Variants in HOOK2 observed in about 807,000 individuals in gnomAD.
HOOK2 encodes hook microtubule tethering protein 2, also known as protein Hook homolog 2.
A neutral mutation model predicts 111.9 loss-of-function variants in HOOK2; 108 were observed. The ratio of observed to expected loss-of-function variants is 0.96; its 90% CI spans 0.83 to 1.13. The LOEUF is 1.13. Ranked by LOEUF, HOOK2 falls within the 50% of genes most tolerant of loss-of-function variation. The pLI, the probability that HOOK2 is intolerant of heterozygous loss-of-function variation, is 0.00. For synonymous variants in HOOK2, 405 were observed against 394.3 expected, an observed-to-expected ratio of 1.03 and a Z score of -0.32; for missense variants, 978 against 951.3, an observed-to-expected ratio of 1.03 and a Z score of -0.37.
chr19:12,765,626 A>G, intron 18 of HOOK2, 64 bp downstream of exon 18: 3 of 1,590,980 alleles, frequency 1.9e-6, no homozygotes, highest in South Asian at 1.1e-5. Context: ...GCACATGCCT[A>G]AGAAACTCCC....
intron 13 of HOOK2, 76 bp from the exon 14 acceptor site, chr19:12,767,540 C>G: frequency 7.9e-7 from 1 of 1,260,874 alleles, no homozygotes; most frequent in Non-Finnish European, 1.2e-6. Flanking sequence ...TCCCAAGGAT[C>G]ATCTTTTGGG....
chr19:12,771,382 C>T lies in HOOK2; in HGVS notation c.600+15G>A, dbSNP rs1230542501. The T allele has an allele frequency of 1.2e-6, 2 of 1,612,036 alleles. No homozygotes were observed. Among genetic ancestry groups the T allele is most frequent in the Non-Finnish European group, 1.7e-6 (2 of 1,179,240 alleles). On this transcript the variant is annotated intron_variant, in intron 8 of 22. Coordinates refer to ENST00000397668, the MANE Select transcript of HOOK2 (RefSeq NM_013312.3). ...AGGGGCTACTCAAGTGACCCTGCCC[C>T]ACCTAGGGCCCTACCTGCCGCTCCA...
intron 18 of HOOK2, 139 bp downstream of exon 18, chr19:12,765,551 C>A (rs1367101285): frequency 4.2e-6 from 5 of 1,198,526 alleles, no homozygotes; most frequent in Non-Finnish European, 6.1e-6. Flanking sequence ...AGTCCGAGAC[C>A]AGCCTGGCCA....
chr19:12,765,615 G>C, intron 18 of HOOK2, 75 bp downstream of exon 18: 1 of 1,538,084 alleles, frequency 6.5e-7, no homozygotes, highest in Non-Finnish European at 9.0e-7. Flanking sequence ...CAGGCATGGT[G>C]GCACATGCCT....
chr19:12,785,420 T>A (rs1968646543), intron 3 of HOOK2, among the ~76,000 whole-genome samples: 5 of 150,192 alleles, frequency 3.3e-5, no homozygotes, highest in Middle Eastern at 7.1e-3. Flanking sequence ...CACAGACCTC[T>A]TTTACACACA....
chr19:12,771,033 G>T lies in HOOK2; in HGVS notation c.801C>A (p.Ala267=). Residue 267 remains alanine, a synonymous_variant, in exon 10 of 23, where the codon GCC becomes GCA. Transcript: ENST00000397668. ...GCTCCGCAACCTCCCTCTCCAGCTCGGCACAGCGCAGGCGCTCATCCTCCC... is the reference window on the plus strand; with the variant it reads ...GCTCCGCAACCTCCCTCTCCAGCTCTGCACAGCGCAGGCGCTCATCCTCCC... The part of the protein sequence containing the change: ...SGREDERLRC[A]ELEREVAELQ... 1 of 1,612,830 alleles carries T rather than the reference G, an allele frequency of 6.2e-7. No individual in the cohort carries two copies. The highest frequency in any genetic ancestry group is 8.5e-7 in the Non-Finnish European group (1 of 1,179,402).
chr19:12,792,209 G>A, intron 3 of HOOK2: 1 of 1,557,226 alleles, frequency 6.4e-7, no homozygotes, highest in Non-Finnish European at 8.7e-7. Context: ...TGGACGATCT[G>A]CACAAGATGA....
Position 12,766,233 on chromosome 19 carries a change from G to T in HOOK2, c.1381C>A (p.Leu461Ile). 1.3e-6 allele frequency: 2 copies of T among 1,579,242 alleles called. No individual in the cohort carries two copies. The highest frequency in any genetic ancestry group is 1.1e-5 in the South Asian group (1 of 88,820). The part of the protein sequence containing the change: ...EILPAELRET[L>I]LRLQLENKRL... ...TTGTTCTCCAGCTGAAGCCGCAGGA[G>T]CGTCTCCCTGCAGACCCGGGAGGAG... The change falls in exon 15 of 23, where the codon CTC becomes ATC. Residue 461 changes from leucine to isoleucine, a missense_variant. Leu to Ile is a conservative substitution (Grantham distance 5). Transcript: ENST00000397668.
In HOOK2 at chr19:12,773,698, A is replaced by G. The variant is rs145454857; in HGVS notation, c.205-654T>C. Among the ~76,000 whole-genome samples, 172 of 151,896 alleles carry G rather than the reference A, an allele frequency of 1.1e-3. 3 individuals are homozygous for G. The East Asian group carries it at 0.025, about 22-fold the overall frequency. On this transcript the variant is annotated intron_variant, in intron 3 of 22. Transcript: ENST00000397668. Reference sequence around the variant, plus strand: ...CTTCCACTTTTGCTGCCTACATTTTATTTCTCTCCATGCAGCCAGGGGGAG... The same window carrying G: ...CTTCCACTTTTGCTGCCTACATTTTGTTTCTCTCCATGCAGCCAGGGGGAG...
upstream of HOOK2, among the ~76,000 whole-genome samples, chr19:12,782,461 A>AGGGCCTCCCGCTGCGCAGAGGGCTG (rs1369583896): frequency 2.6e-5 from 4 of 152,140 alleles, no homozygotes; most frequent in East Asian, 1.9e-4. Flanking sequence ...GGCTGCGCGG[A>AGGGCCTCCCGCTGCGCAGAGGGCTG]CGCAGTGATG....
intron 10 of HOOK2, among the ~76,000 whole-genome samples, chr19:12,770,657 TG>T (rs1165949041): frequency 1.9e-5 from 2 of 107,724 alleles, no homozygotes; most frequent in Non-Finnish European, 3.5e-5. Context: ...TCTTGTGTTT[TG>T]GGGGGCCACA....
rs1364399113 is a variant in HOOK2, at chr19:12,773,000, G to C, written c.249C>G (p.Ser83=). ...TCCCTTTACAGTTACTCACATCCTGGGAGTACTCTACTAGGCTCCGTAAGA... is the reference window on the plus strand; with the variant it reads ...TCCCTTTACAGTTACTCACATCCTGCGAGTACTCTACTAGGCTCCGTAAGA... ...KMVLRSLVEY[S]QDVLAHPVSE... The change falls in exon 4 of 23, where the codon TCC becomes TCG. Residue 83 remains serine (S), a synonymous_variant. Coordinates refer to ENST00000397668, the MANE Select transcript of HOOK2 (RefSeq NM_013312.3). 3.1e-6 allele frequency: 5 copies of C among 1,613,910 alleles called. No individual in the cohort carries two copies. The highest frequency in any genetic ancestry group is 4.2e-6 in the Non-Finnish European group (5 of 1,179,948).
At position 12,765,682 on chromosome 19, in the gene HOOK2, C is replaced by A. The variant is rs746201735; in HGVS notation, c.1640+8G>T. 27 of 1,614,022 alleles carry A rather than the reference C, an allele frequency of 1.7e-5. No homozygotes were observed. Among genetic ancestry groups the A allele is most frequent in the Non-Finnish European group, 2.1e-5 (25 of 1,180,014 alleles). On this transcript the variant is annotated splice_region_variant and intron_variant, in intron 18 of 22. Coordinates refer to ENST00000397668, the MANE Select transcript of HOOK2 (RefSeq NM_013312.3). Reference sequence around the variant, plus strand: ...CCCCACGAGGAGTTCCCTCTTTCTGCGACTTACAAATGTTCCTCCAGCTTC... The same window carrying A: ...CCCCACGAGGAGTTCCCTCTTTCTGAGACTTACAAATGTTCCTCCAGCTTC...
intron 6 of HOOK2, 128 bp downstream of exon 6, chr19:12,772,485 G>C: frequency 9.1e-7 from 1 of 1,102,368 alleles, no homozygotes; most frequent in Non-Finnish European, 1.3e-6. Context: ...AGACAGAGAT[G>C]TCTGGCCAGC....
At chr19:12,765,869 G>A (rs888896512) in intron 16 of HOOK2, 35 bp from the exon 17 acceptor site, 2 of 1,610,872 alleles carry the variant, frequency 1.2e-6, no homozygotes, top group African/African-American at 1.3e-5. Context: ...GGAGAGAGAG[G>A]AGGGTTACTT....
intron 14 of HOOK2, chr19:12,766,556 G>GT (rs750923307): frequency 2.7e-5 from 10 of 366,320 alleles, no homozygotes; most frequent in Admixed American, 2.3e-4. Context: ...GTTTTTCGGG[G>GT]TTTTTTTGTT....
chr19:12,780,216 C>T (rs1568378795), upstream of HOOK2, among the ~76,000 whole-genome samples: 1 of 152,212 alleles, frequency 6.6e-6, no homozygotes, highest in East Asian at 1.9e-4. Context: ...TAGTGTGTGC[C>T]CCTGTGTATC....
upstream of HOOK2, among the ~76,000 whole-genome samples, chr19:12,782,530 G>A (rs1161875259): frequency 6.6e-6 from 1 of 152,252 alleles, no homozygotes; most frequent in Non-Finnish European, 1.5e-5. Flanking sequence ...CCCGCGTTGC[G>A]GGGGCGCGTG....
Position 12,763,738 on chromosome 19 carries a change from C to A in HOOK2, c.1868G>T (p.Gly623Val). ...CAGGGAATGGAGTTCTGGAGGTGCC[C>A]CCGCAGCTGGCCGCTGCTTGGGTTC... The part of the protein sequence containing the change: ...TMEPKQRPAA[G>V]APPELHSLRT... The change falls in exon 21 of 23, where the codon GGG (glycine) becomes GTG (valine). Residue 623 changes from glycine to valine, a missense_variant. Physicochemically the swap from Gly to Val is moderately radical, Grantham distance 109. Coordinates refer to ENST00000397668, the MANE Select transcript of HOOK2 (RefSeq NM_013312.3). The A allele has an allele frequency of 6.2e-7, 1 of 1,614,188 alleles. No individual in the cohort carries two copies. Among genetic ancestry groups the A allele is most frequent in the East Asian group, 2.2e-5 (1 of 44,882 alleles).
Sources: allele counts gnomAD v4.1 joint callset (sites outside exome capture counted in the v4.1 genomes callset), GRCh38; gene constraint gnomAD v4.1.1; transcripts MANE v1.5; gene names NCBI Gene and HGNC (gene_info 2026-07-23, HGNC 2026-07-21).